The following SRP72 variants were observed in gnomAD, a reference collection of about 807,000 sequenced individuals.
SRP72 encodes the protein signal recognition particle 72.
A neutral mutation model predicts 96.3 loss-of-function variants in SRP72; 49 were observed. The observed-to-expected ratio is 0.51, with a 90% CI of 0.40 to 0.65. The LOEUF is 0.65. Ranked by LOEUF, SRP72 falls within the 30% of genes least tolerant of loss-of-function variation. SRP72 has a pLI of 0.00. For synonymous variants in SRP72, 267 were observed against 275.2 expected (o/e 0.97, Z 0.30); for missense variants, 736 against 793.3 (o/e 0.93, Z 0.87).
chr4:56,500,977 G>C (rs1157017417), intron 18 of SRP72, among the ~76,000 whole-genome samples: 1 of 150,348 alleles, frequency 6.7e-6, no homozygotes, highest in Non-Finnish European at 1.5e-5. Context: ...AAAACTAAAA[G>C]TCTCAAGGCA....
intron 1 of SRP72, among the ~76,000 whole-genome samples, chr4:56,468,993 C>T (rs1337044833): frequency 2.0e-5 from 3 of 152,114 alleles, no homozygotes; most frequent in Admixed American, 1.3e-4. Flanking sequence ...TGAAACTTGC[C>T]ACCTGAGTTC....
intron 9 of SRP72, among the ~76,000 whole-genome samples, chr4:56,483,887 C>T (rs570939937): frequency 2.9e-4 from 44 of 151,938 alleles, no homozygotes; most frequent in Non-Finnish European, 5.6e-4. Context: ...AGATTTAAGA[C>T]CCATCTTTCA....
chr4:56,472,308 A>G (rs2110112230), intron 3 of SRP72, among the ~76,000 whole-genome samples: 1 of 151,528 alleles, frequency 6.6e-6, no homozygotes, highest in East Asian at 1.9e-4. Flanking sequence ...GAGGACAGAA[A>G]TGTGTATCTT....
chr4:56,469,875 G>T (rs998149874), intron 2 of SRP72, 102 bp downstream of exon 2: 21 of 1,141,184 alleles, frequency 1.8e-5, no homozygotes, highest in South Asian at 1.3e-4. Flanking sequence ...TTTTTTTAAC[G>T]TTTTTTTCCT....
chr4:56,480,662 TAGTC>T (rs1720446903), intron 8 of SRP72, among the ~76,000 whole-genome samples: 1 of 152,234 alleles, frequency 6.6e-6, no homozygotes. Flanking sequence ...GAACTTTCTT[TAGTC>T]AGTGGGTATT....
chr4:56,487,058 C>T (rs972691091), intron 11 of SRP72, among the ~76,000 whole-genome samples: 5 of 152,196 alleles, frequency 3.3e-5, no homozygotes, highest in African/African-American at 1.2e-4. Context: ...TAGCTATATG[C>T]AGCCATTGGC....
chr4:56,476,463 T>C (rs1720227036), intron 5 of SRP72: 3 of 558,576 alleles, frequency 5.4e-6, no homozygotes, highest in Non-Finnish European at 3.1e-6. Context: ...ACACAACAAA[T>C]GAAAGCAAAG....
chr4:56,468,703 C>T (rs931239857), intron 1 of SRP72, among the ~76,000 whole-genome samples: 1 of 152,112 alleles, frequency 6.6e-6, no homozygotes, highest in South Asian at 2.1e-4. Context: ...CCACAGTGCA[C>T]TTTTGGTGAT....
intron 8 of SRP72, among the ~76,000 whole-genome samples, chr4:56,479,440 A>G (rs1473920760): frequency 1.3e-5 from 2 of 151,936 alleles, no homozygotes; most frequent in African/African-American, 4.8e-5. Flanking sequence ...CAGCCTCCCA[A>G]AGTGCTGGGA....
intron 17 of SRP72, among the ~76,000 whole-genome samples, chr4:56,495,759 T>G (rs1187222952): frequency 1.3e-5 from 2 of 152,246 alleles, no homozygotes; most frequent in African/African-American, 4.8e-5. Flanking sequence ...CACATTTTGA[T>G]GTTTCTGCTA....
chr4:56,494,616 C>A (rs1303003298), intron 16 of SRP72, among the ~76,000 whole-genome samples: 1 of 152,024 alleles, frequency 6.6e-6, no homozygotes, highest in Non-Finnish European at 1.5e-5. Flanking sequence ...GTTGTCCAGG[C>A]TGGTCTGGAA....
At position 56,502,483 on chromosome 4, in the gene SRP72, G is replaced by GTATATATATATACATATATATATATATA. The variant is rs1471949024; in HGVS notation, c.*625_*652dup. On this transcript the variant is annotated 3_prime_UTR_variant, in exon 19 of 19. Coordinates refer to ENST00000642900, the MANE Select transcript of SRP72 (RefSeq NM_006947.4). Reference sequence around the variant, plus strand: ...TTCATGTTTATATATATATATATATGTATATATATATACATATATATATAT... The same window carrying GTATATATATATACATATATATATATATA: ...TTCATGTTTATATATATATATATATGTATATATATATACATATATATATATATATATATATATATACATATATATATAT... 1 of 91,098 alleles carries GTATATATATATACATATATATATATATA rather than the reference G, an allele frequency of 1.1e-5. No homozygotes were observed. The highest frequency in any genetic ancestry group is 5.3e-5 in the African/African-American group (1 of 18,844). 5.6% of individuals were successfully genotyped at this position (91,098 alleles called of 1,614,324 possible). A position where few individuals can be genotyped will look rare whatever the true frequency, so the allele number is the denominator to read the frequency against.
intron 8 of SRP72, among the ~76,000 whole-genome samples, chr4:56,479,135 T>TAA (rs1205833792): frequency 2.0e-5 from 3 of 152,138 alleles, no homozygotes; most frequent in Admixed American, 6.6e-5. Context: ...ACTCTTAACT[T>TAA]AGAGTACTGT....
At chr4:56,473,234 C>T (rs111749188) in intron 3 of SRP72, among the ~76,000 whole-genome samples, 3,478 of 151,952 alleles carry the variant, frequency 0.023, 126 homozygotes, top group African/African-American at 0.077. Flanking sequence ...CCAAGGCGGG[C>T]GGATCATGAG....
At chr4:56,475,462 G>C (rs796721340) in intron 5 of SRP72, among the ~76,000 whole-genome samples, 5 of 151,606 alleles carry the variant, frequency 3.3e-5, no homozygotes, top group African/African-American at 1.2e-4. Context: ...TCTGGTGGCT[G>C]AGGCAGCAGG....
rs1302267809 is a variant in SRP72 at position 56,476,681 on chromosome 4, C to A, written c.621C>A (p.Arg207=). ...ATTTTTCTCCTGTAGATCTTTGCCG[C>A]CGTTCATTATCAGAAGACACTGTAA... The part of the protein sequence containing the change: ...KILQKAEDLC[R]RSLSEDTDGT... Residue 207 remains arginine, a synonymous_variant, in exon 6 of 19, where the codon CGC becomes CGA. Coordinates refer to ENST00000642900, the MANE Select transcript of SRP72 (RefSeq NM_006947.4). 5 of 1,612,432 alleles carry A rather than the reference C, an allele frequency of 3.1e-6. No individual in the cohort carries two copies. Among genetic ancestry groups the A allele is most frequent in the African/African-American group, 1.3e-5 (1 of 74,990 alleles).
intron 8 of SRP72, among the ~76,000 whole-genome samples, chr4:56,480,141 A>G (rs1364845338): frequency 6.6e-6 from 1 of 152,142 alleles, no homozygotes; most frequent in Non-Finnish European, 1.5e-5. Context: ...AGGGGTAGTA[A>G]TCATGGGAGG....
At chr4:56,488,967 A>C (rs536813406) in intron 12 of SRP72, 1 of 153,208 alleles carries the variant, frequency 6.5e-6, no homozygotes, top group Non-Finnish European at 1.4e-5. Flanking sequence ...CCTCAGCCAC[A>C]CCAGGCACCC....
chr4:56,500,419 CAAAT>C (rs1206632089), intron 17 of SRP72, 113 bp from the exon 18 acceptor site: 5 of 1,141,296 alleles, frequency 4.4e-6, no homozygotes, highest in Non-Finnish European at 6.2e-6. Context: ...TAAACTTTCT[CAAAT>C]AAATTCATTT....
Sources: gnomAD v4.1 joint callset for allele counts (sites outside exome capture counted in the v4.1 genomes callset) on GRCh38, gnomAD v4.1.1 for gene constraint, MANE v1.5 for transcripts, NCBI Gene and HGNC (gene_info 2026-07-23, HGNC 2026-07-21) for gene names.